The following CPA6 variants were observed in gnomAD, a reference collection of about 807,000 sequenced individuals.
CPA6 encodes the protein carboxypeptidase B.
In CPA6, 58 loss-of-function variants were observed where a neutral mutation model predicts 63.3. That is an observed-to-expected ratio of 0.92 (90% CI 0.74 to 1.14). CPA6 has a LOEUF of 1.14. Among genes scored for constraint, CPA6 ranks in the 50% most tolerant of loss-of-function variants. CPA6 has a pLI of 0.00. For synonymous variants in CPA6, 185 were observed against 179.0 expected (o/e 1.03, Z -0.27); for missense variants, 565 against 526.6 (o/e 1.07, Z -0.71).
At chr8:67,640,131 G>A (rs1257812970) in intron 1 of CPA6, among the ~76,000 whole-genome samples, 1 of 151,314 alleles carries the variant, frequency 6.6e-6, no homozygotes, top group Non-Finnish European at 1.5e-5. Flanking sequence ...CGTGGAAAAG[G>A]CACCACAAAT....
At chr8:67,580,315 C>T (rs1014816026) in intron 2 of CPA6, among the ~76,000 whole-genome samples, 1 of 152,180 alleles carries the variant, frequency 6.6e-6, no homozygotes, top group African/African-American at 2.4e-5. Context: ...TTTCCCTAAT[C>T]CTTCTACCAA....
At chr8:67,632,150 G>GC (rs1410499953) in intron 1 of CPA6, among the ~76,000 whole-genome samples, 2 of 17,618 alleles carry the variant, frequency 1.1e-4, no homozygotes, top group East Asian at 3.6e-3. Context: ...AAATGATGCT[G>GC]TGTGTGTGTG....
At chr8:67,596,741 C>T (rs1187844297) in intron 2 of CPA6, among the ~76,000 whole-genome samples, 1 of 152,186 alleles carries the variant, frequency 6.6e-6, no homozygotes, top group African/African-American at 2.4e-5. Context: ...CAGGATTCAA[C>T]TCAGAATCAT....
chr8:67,516,401 G>A (rs999554812), intron 3 of CPA6, among the ~76,000 whole-genome samples: 21 of 152,144 alleles, frequency 1.4e-4, no homozygotes, highest in African/African-American at 4.1e-4. Flanking sequence ...TGGCATCATC[G>A]ATGTCTCCCT....
At chr8:67,507,361 A>G (rs548724580) in intron 5 of CPA6, among the ~76,000 whole-genome samples, 3 of 152,288 alleles carry the variant, frequency 2.0e-5, no homozygotes, top group South Asian at 4.1e-4. Context: ...CTTAAATAAT[A>G]GCTATATTTT....
chr8:67,491,900 A>G (rs902088764), intron 6 of CPA6, among the ~76,000 whole-genome samples: 8 of 152,204 alleles, frequency 5.3e-5, no homozygotes, highest in Admixed American at 2.6e-4. Flanking sequence ...TTTCTTTAAA[A>G]GTCTGTCAGT....
chr8:67,440,000 CT>C (rs1004234708), intron 8 of CPA6, among the ~76,000 whole-genome samples: 3 of 152,200 alleles, frequency 2.0e-5, no homozygotes, highest in Non-Finnish European at 2.9e-5. Flanking sequence ...CAGATGTCTA[CT>C]TTTAGTATTG....
chr8:67,692,825 G>GT (rs1816840004), intron 1 of CPA6, among the ~76,000 whole-genome samples: 1 of 152,176 alleles, frequency 6.6e-6, no homozygotes, highest in African/African-American at 2.4e-5. Flanking sequence ...CAGATAATGA[G>GT]TGCAAATTAA....
At chr8:67,712,415 A>G (rs1285838202) in intron 1 of CPA6, among the ~76,000 whole-genome samples, 1 of 152,176 alleles carries the variant, frequency 6.6e-6, no homozygotes, top group Admixed American at 6.5e-5. Context: ...CCAGGCTGCT[A>G]CAAGGTACAG....
At chr8:67,452,864 A>T (rs1490918611) in intron 8 of CPA6, among the ~76,000 whole-genome samples, 1 of 152,192 alleles carries the variant, frequency 6.6e-6, no homozygotes, top group Non-Finnish European at 1.5e-5. Context: ...TCCAGGGAAG[A>T]GTTTTAAGCA....
intron 1 of CPA6, among the ~76,000 whole-genome samples, chr8:67,735,906 C>G (rs1217545820): frequency 1.3e-5 from 2 of 152,190 alleles, no homozygotes; most frequent in African/African-American, 2.4e-5. Context: ...TCCCTCCCCT[C>G]TCCCTCCAGG....
intron 8 of CPA6, among the ~76,000 whole-genome samples, chr8:67,440,690 C>T (rs1810272925): frequency 6.6e-6 from 1 of 152,098 alleles, no homozygotes; most frequent in Admixed American, 6.6e-5. Context: ...TTGCTCTAGG[C>T]TATAAACCTA....
intron 1 of CPA6, among the ~76,000 whole-genome samples, chr8:67,635,120 T>G (rs1460686025): frequency 6.6e-6 from 1 of 151,532 alleles, no homozygotes; most frequent in African/African-American, 2.4e-5. Context: ...ACTCCTGCAC[T>G]CAACTGATCC....
chr8:67,488,853 TTGTC>T (rs1271995905), intron 6 of CPA6, among the ~76,000 whole-genome samples: 22 of 152,268 alleles, frequency 1.4e-4, no homozygotes, highest in African/African-American at 5.3e-4. Context: ...GGCTCTCTGT[TTGTC>T]TGTTATTGGT....
intron 8 of CPA6, among the ~76,000 whole-genome samples, chr8:67,445,484 G>A (rs1420487099): frequency 6.6e-6 from 1 of 152,034 alleles, no homozygotes; most frequent in African/African-American, 2.4e-5. Context: ...TTATATATGT[G>A]TCTCTTGTTT....
intron 2 of CPA6, among the ~76,000 whole-genome samples, chr8:67,619,795 C>T (rs139873810): frequency 6.6e-6 from 1 of 152,318 alleles, no homozygotes; most frequent in African/African-American, 2.4e-5. Flanking sequence ...CCTCACTTCT[C>T]AATCAATCTG....
At chr8:67,725,614 G>A (rs1817582791) in intron 1 of CPA6, among the ~76,000 whole-genome samples, 2 of 152,108 alleles carry the variant, frequency 1.3e-5, no homozygotes, top group South Asian at 4.1e-4. Context: ...TTGAACTCGT[G>A]GGTTCAAGAG....
chr8:67,681,200 C>CTTTTT lies in CPA6; in HGVS notation c.117-56954_117-56950dup, dbSNP rs1007305743. Among the ~76,000 whole-genome samples, 33 of 89,868 alleles carry CTTTTT rather than the reference C, an allele frequency of 3.7e-4. 5 individuals carry two copies. The highest frequency in any genetic ancestry group is 8.6e-4 in the East Asian group (3 of 3,486). 59.0% of individuals were successfully genotyped at this position (89,868 alleles called of 152,430 possible). A position where few individuals can be genotyped will look rare whatever the true frequency, so the allele number is the denominator to read the frequency against. On this transcript the variant is annotated intron_variant, in intron 1 of 10. Coordinates refer to ENST00000297770, the MANE Select transcript of CPA6 (RefSeq NM_020361.5). ...CTCAACCCAAGGTCACAAAGATTTT[C>CTTTTT]TTTTTTTTTTTTTTTTTTTTGAGAC...
chr8:67,681,195 A>ATTTTCTTTTTTTTTTTTTT (rs1816585724), intron 1 of CPA6, among the ~76,000 whole-genome samples: 1 of 97,146 alleles, frequency 1.0e-5, no homozygotes, highest in Non-Finnish European at 1.9e-5. Context: ...GGTCACAAAG[A>ATTTTCTTTTTTTTTTTTTT]TTTTCTTTTT....
Sources: allele counts gnomAD v4.1 joint callset (sites outside exome capture counted in the v4.1 genomes callset), GRCh38; gene constraint gnomAD v4.1.1; transcripts MANE v1.5; gene names NCBI Gene and HGNC (gene_info 2026-07-23, HGNC 2026-07-21).